Variants in FOCAD observed in about 807,000 individuals in gnomAD.
FOCAD encodes the protein KIAA1797.
A neutral mutation model predicts 225.6 loss-of-function variants in FOCAD; 198 were observed. That is an observed-to-expected ratio of 0.88 (90% CI 0.78 to 0.99). The LOEUF is 0.99. Among genes scored for constraint, FOCAD ranks in the 50% least tolerant of loss-of-function variants. The probability of loss-of-function intolerance (pLI) is 0.00; values close to 1 mark genes in which losing one functional copy is unlikely to be tolerated. For missense variants in FOCAD, 2,713 were observed against 2,123.6 expected (o/e 1.28, Z -5.46); for synonymous variants, 897 against 755.0 (o/e 1.19, Z -3.08).
chr9:20,674,728 C>T (rs1456192631), intron 2 of FOCAD, among the ~76,000 whole-genome samples: 1 of 152,178 alleles, frequency 6.6e-6, no homozygotes, highest in Non-Finnish European at 1.5e-5. Context: ...TTTGACTTTG[C>T]TCTGTATAAT....
rs374327997 is a variant in FOCAD at position 20,933,015 on chromosome 9, G to A, written c.3319G>A (p.Asp1107Asn). Reference sequence around the variant, plus strand: ...TGTTTCCCCTTGATCTTTAACCAGTGATATATCTGGCCAAGAGATGAACCT... The same window carrying A: ...TGTTTCCCCTTGATCTTTAACCAGTAATATATCTGGCCAAGAGATGAACCT... Reference protein sequence around the residue: ...LSRLCEEKLSDISGQEMNLLL... With the variant: ...LSRLCEEKLSNISGQEMNLLL... Residue 1107 changes from aspartate to asparagine, a missense_variant and splice_region_variant, in exon 28 of 44, where the codon GAT becomes AAT. By Grantham distance (23) the Asp-to-Asn change is conservative. Coordinates refer to ENST00000338382, the MANE Select transcript of FOCAD (RefSeq NM_001375567.1). The A allele has an allele frequency of 6.4e-5, 103 of 1,611,988 alleles. No homozygotes were observed. In the Middle Eastern group the frequency reaches 1.5e-3, roughly 23 times the overall value.
chr9:20,772,531 A>C lies in FOCAD; in HGVS notation c.906+2293A>C, dbSNP rs117907777. Among the ~76,000 whole-genome samples the C allele has an allele frequency of 5.8e-4, 89 of 152,332 alleles. 3 individuals carry two copies. The East Asian group carries it at 0.016, about 28-fold the overall frequency. On this transcript the variant is annotated intron_variant, in intron 8 of 43. Coordinates refer to ENST00000338382, the MANE Select transcript of FOCAD (RefSeq NM_001375567.1). Reference sequence around the variant, plus strand: ...GATGACAAGAAAATCAAGGGAAGGAATATCTCAATAAGAGGGAGTGGTCAG... The same window carrying C: ...GATGACAAGAAAATCAAGGGAAGGACTATCTCAATAAGAGGGAGTGGTCAG...
intron 4 of FOCAD, among the ~76,000 whole-genome samples, chr9:20,739,772 G>C (rs1827455946): frequency 6.6e-6 from 1 of 151,920 alleles, no homozygotes; most frequent in Admixed American, 6.6e-5. Flanking sequence ...AATTTAAATT[G>C]CTATTCCCTT....
chr9:20,888,423 C>T (rs1373265233), intron 21 of FOCAD, among the ~76,000 whole-genome samples: 1 of 152,116 alleles, frequency 6.6e-6, no homozygotes, highest in Non-Finnish European at 1.5e-5. Flanking sequence ...AGGCGTGAGC[C>T]ACTGCGCCTG....
At position 20,926,361 on chromosome 9, in the gene FOCAD, G is replaced by T. The variant is rs760847162; in HGVS notation, c.3022G>T (p.Val1008Phe). ...WVSMVLDTLLVIVDSHYQPRG... is the reference protein window; with the variant it reads ...WVSMVLDTLLFIVDSHYQPRG... ...TTCCATGGTACTTGATACACTCTTG[G>T]TCATTGTGGATAGCCATTACCAACC... Residue 1008 changes from valine (V) to phenylalanine (F), a missense_variant, in exon 26 of 44, where the codon GTC becomes TTC. Val to Phe is a conservative substitution (Grantham distance 50, BLOSUM62 -1). Transcript: ENST00000338382. The T allele has an allele frequency of 1.8e-5, 29 of 1,613,512 alleles. No homozygotes were observed. The highest frequency in any genetic ancestry group is 1.1e-4 in the East Asian group (5 of 44,868).
intron 10 of FOCAD, 39 bp from the exon 11 acceptor site, chr9:20,789,312 A>G: frequency 6.3e-7 from 1 of 1,588,862 alleles, no homozygotes; most frequent in Non-Finnish European, 8.6e-7. Context: ...AAATATATTT[A>G]TCTCACTTAT....
At chr9:20,741,300 C>T (rs12376538) in intron 5 of FOCAD, among the ~76,000 whole-genome samples, 26,025 of 152,052 alleles carry the variant, frequency 0.17, 2,680 homozygotes, top group Non-Finnish European at 0.23. Context: ...GGGTGTCTAT[C>T]ACTTACCTGT....
At chr9:20,969,355 A>G (rs900951187) in intron 35 of FOCAD, among the ~76,000 whole-genome samples, 6 of 152,104 alleles carry the variant, frequency 3.9e-5, no homozygotes, top group Non-Finnish European at 5.9e-5. Context: ...TATTCTATCT[A>G]GTATTGAAGG....
At chr9:20,806,440 C>T (rs1564014220) in intron 11 of FOCAD, among the ~76,000 whole-genome samples, 2 of 152,030 alleles carry the variant, frequency 1.3e-5, no homozygotes, top group Non-Finnish European at 2.9e-5. Context: ...TTGTAGGCGG[C>T]TTGTCGAAAA....
chr9:20,984,829 C>T (rs1468956642), intron 39 of FOCAD, among the ~76,000 whole-genome samples: 1 of 152,158 alleles, frequency 6.6e-6, no homozygotes, highest in African/African-American at 2.4e-5. Flanking sequence ...TAGACTGAGT[C>T]TCACTTTGTC....
At chr9:20,755,806 G>A (rs1233395891) in intron 5 of FOCAD, among the ~76,000 whole-genome samples, 1 of 152,108 alleles carries the variant, frequency 6.6e-6, no homozygotes, top group East Asian at 1.9e-4. Flanking sequence ...TGTAGTGAGT[G>A]TTTTTTTGTT....
At chr9:20,697,206 C>G (rs1374536547) in intron 1 of FOCAD, among the ~76,000 whole-genome samples, 1 of 152,160 alleles carries the variant, frequency 6.6e-6, no homozygotes, top group Admixed American at 6.5e-5. Context: ...TATCCTTGTC[C>G]AAAGCAATAT....
intron 15 of FOCAD, among the ~76,000 whole-genome samples, chr9:20,853,166 T>C (rs1021905455): frequency 5.9e-5 from 9 of 151,788 alleles, no homozygotes; most frequent in Non-Finnish European, 1.3e-4. Flanking sequence ...TGAATGTCCC[T>C]ATAGGGAGTT....
intron 1 of FOCAD, among the ~76,000 whole-genome samples, chr9:20,712,594 G>A (rs555373158): frequency 2.0e-5 from 3 of 151,830 alleles, no homozygotes; most frequent in East Asian, 2.0e-4. Context: ...CCTGGGAGGC[G>A]GAGGTTAGTG....
chr9:20,937,386 G>C (rs1233241593), intron 28 of FOCAD, among the ~76,000 whole-genome samples: 1 of 152,088 alleles, frequency 6.6e-6, no homozygotes, highest in Non-Finnish European at 1.5e-5. Flanking sequence ...CAGAGATATA[G>C]ACCAATGGAG....
intron 15 of FOCAD, among the ~76,000 whole-genome samples, chr9:20,856,498 C>A (rs1828199227): frequency 6.6e-6 from 1 of 151,858 alleles, no homozygotes; most frequent in Non-Finnish European, 1.5e-5. Flanking sequence ...AATTCCTTGT[C>A]AAATTTATAG....
At chr9:20,826,449 G>T (rs1465494497) in intron 15 of FOCAD, among the ~76,000 whole-genome samples, 1 of 152,084 alleles carries the variant, frequency 6.6e-6, no homozygotes, top group East Asian at 1.9e-4. Flanking sequence ...GGCCACGGAT[G>T]AAGGCTACAC....
chr9:20,707,244 T>A (rs1219047880), intron 1 of FOCAD, among the ~76,000 whole-genome samples: 1 of 152,212 alleles, frequency 6.6e-6, no homozygotes, highest in Non-Finnish European at 1.5e-5. Context: ...ATTTTGAAAT[T>A]ATTGGCTAAG....
At chr9:20,864,345 A>G (rs1829046698) in intron 16 of FOCAD, among the ~76,000 whole-genome samples, 2 of 152,080 alleles carry the variant, frequency 1.3e-5, no homozygotes, top group Admixed American at 6.6e-5. Context: ...ATCTGGCCTC[A>G]TTAGTGGTCT....
Sources: allele counts gnomAD v4.1 joint callset (sites outside exome capture counted in the v4.1 genomes callset), GRCh38; gene constraint gnomAD v4.1.1; transcripts MANE v1.5; gene names NCBI Gene and HGNC (gene_info 2026-07-23, HGNC 2026-07-21).